The following USP35 variants were observed in gnomAD, a reference collection of about 807,000 sequenced individuals.
The protein encoded by USP35 is ubiquitin carboxyl-terminal hydrolase 35.
Under a neutral mutation model 83.8 loss-of-function variants are expected in USP35, and 69 were observed. The observed-to-expected ratio is 0.82, with a 90% CI of 0.68 to 1.01. The LOEUF (loss-of-function observed/expected upper bound fraction) is 1.01, where lower values mean the gene tolerates loss of function less well. Ranked by LOEUF, USP35 falls within the 50% of genes least tolerant of loss-of-function variation. The pLI is 0.00. For missense variants in USP35, 1,503 were observed against 1,362.5 expected (o/e 1.10, Z -1.62); for synonymous variants, 714 against 589.5 (o/e 1.21, Z -3.06).
chr11:78,210,392 A>G lies in USP35; in HGVS notation c.2537A>G (p.Asp846Gly). The G allele has an allele frequency of 6.2e-7, 1 of 1,613,812 alleles. No individual in the cohort carries two copies. Among genetic ancestry groups the G allele is most frequent in the Non-Finnish European group, 8.5e-7 (1 of 1,180,004 alleles). ...GCTGGTGGCCGTGGCCAGGCCTATGACCTCTGCAGTGTGGTGGTGCACTCT... is the reference window on the plus strand; with the variant it reads ...GCTGGTGGCCGTGGCCAGGCCTATGGCCTCTGCAGTGTGGTGGTGCACTCT... The part of the protein sequence containing the change: ...PLAGGRGQAY[D>G]LCSVVVHSGV... The change falls in exon 10 of 11, where the codon GAC (aspartate) becomes GGC (glycine). Residue 846 changes from aspartate to glycine, a missense_variant. Transcript: ENST00000529308.
In USP35 at chr11:78,209,943, G is replaced by A. The variant is rs1863683469; in HGVS notation, c.2088G>A (p.Glu696=). 1 of 1,607,796 alleles carries A rather than the reference G, an allele frequency of 6.2e-7. No homozygotes were observed. Among genetic ancestry groups the A allele is most frequent in the Non-Finnish European group, 8.5e-7 (1 of 1,176,886 alleles). Residue 696 remains glutamate, a synonymous_variant, in exon 10 of 11, where the codon GAG becomes GAA. Coordinates refer to ENST00000529308, the MANE Select transcript of USP35 (RefSeq NM_020798.4). ...CGGAGAAGGAAGAAGTGGGGGAGGA[G>A]GAGGAAAGCACCAGAGGGGAAGGAG... ...ERTEKEEVGE[E]EESTRGEGER... is the part of the protein sequence containing the mutation.
chr11:78,191,990 C>T (rs1863019926), intron 1 of USP35, among the ~76,000 whole-genome samples: 1 of 152,052 alleles, frequency 6.6e-6, no homozygotes, highest in African/African-American at 2.4e-5. Flanking sequence ...ACTACAGGTG[C>T]CCGCCACCAC....
chr11:78,219,298 C>G (rs2134448887), downstream of USP35: 2 of 1,613,766 alleles, frequency 1.2e-6, no homozygotes, highest in Non-Finnish European at 1.7e-6. Flanking sequence ...TTGGAAGGCT[C>G]TGAGGACTGC....
chr11:78,219,851 T>G (rs1864332831), downstream of USP35, among the ~76,000 whole-genome samples: 2 of 152,148 alleles, frequency 1.3e-5, no homozygotes, highest in African/African-American at 4.8e-5. Context: ...GAGGCACAGC[T>G]CTGCACCCTT....
chr11:78,209,792 A>G lies in USP35; in HGVS notation c.1937A>G (p.His646Arg). 6.2e-7 allele frequency: 1 copy of G among 1,613,832 alleles called. No individual in the cohort carries two copies. Among genetic ancestry groups the G allele is most frequent in the Non-Finnish European group, 8.5e-7 (1 of 1,179,912 alleles). The change falls in exon 10 of 11, where the codon CAC becomes CGC. Residue 646 changes from histidine to arginine, a missense_variant. By Grantham distance (29) the His-to-Arg change is conservative (BLOSUM62 0). Coordinates refer to ENST00000529308, the MANE Select transcript of USP35 (RefSeq NM_020798.4). ...GRVGPRRQRKHCITEDTPPTS... is the reference protein window; with the variant it reads ...GRVGPRRQRKRCITEDTPPTS... ...GTGGGTCCTCGGAGGCAAAGGAAAC[A>G]CTGCATCACAGAGGACACCCCCCCC...
rs779057716 is a variant in USP35, at chr11:78,210,229, G to T, written c.2374G>T (p.Glu792Ter). 6 of 1,614,048 alleles carry T rather than the reference G, an allele frequency of 3.7e-6. No individual in the cohort carries two copies. Among genetic ancestry groups the T allele is most frequent in the Non-Finnish European group, 5.1e-6 (6 of 1,180,030 alleles). ...GTCGTGTGCCTCCCTGCAGGATGCC[G>T]AGAAGGTGGTGGAGCTGAGCCAAGG... ...CESCASLQDA[E>*]KVVELSQGPC... The change falls in exon 10 of 11, where the codon GAG (glutamate) becomes TAG (stop). Residue 792 changes from glutamate to a stop codon, truncating the protein, a stop_gained. Coordinates refer to ENST00000529308, the MANE Select transcript of USP35 (RefSeq NM_020798.4). LOFTEE classifies it high-confidence loss of function.
intron 6 of USP35, among the ~76,000 whole-genome samples, chr11:78,202,305 A>G (rs531187668): frequency 4.6e-5 from 7 of 152,212 alleles, no homozygotes; most frequent in Non-Finnish European, 8.8e-5. Flanking sequence ...GTCTAGGAAA[A>G]AATATGCACA....
At chr11:78,220,482 A>G in the USP35 span, 1 of 1,532,490 alleles carries the variant, frequency 6.5e-7, no homozygotes, top group South Asian at 1.2e-5. Flanking sequence ...TGACTGCAGA[A>G]AACAGACTAA....
rs1342220417 is a variant in USP35, at chr11:78,196,327, G to A, written c.82G>A (p.Ala28Thr). ...KQGLVRRVLE[A>T]ARQPLEREQC... ...GGGGCTGGTTCGGCGCGTGCTGGAG[G>A]CGGCGCGGCAGCCGCTGGAGCGTGA... Residue 28 changes from alanine to threonine, a missense_variant, in exon 2 of 11, where the codon GCG becomes ACG. Coordinates refer to ENST00000529308, the MANE Select transcript of USP35 (RefSeq NM_020798.4). This position sits in a 1 kb window ranked among gnomAD's most constrained non-coding sequence, Gnocchi z 4.8. 6 of 1,587,004 alleles carry A rather than the reference G, an allele frequency of 3.8e-6. No homozygotes were observed. The highest frequency in any genetic ancestry group is 5.1e-6 in the Non-Finnish European group (6 of 1,174,476).
chr11:78,194,241 G>A (rs1863080168), intron 1 of USP35, among the ~76,000 whole-genome samples: 1 of 150,620 alleles, frequency 6.6e-6, no homozygotes, highest in Non-Finnish European at 1.5e-5. Flanking sequence ...CCTGGTGAGA[G>A]AGACAGATAT....
chr11:78,210,305 C>G lies in USP35; in HGVS notation c.2450C>G (p.Thr817Ser). 1.2e-6 allele frequency: 2 copies of G among 1,613,816 alleles called. No homozygotes were observed. The highest frequency in any genetic ancestry group is 1.6e-4 in the Middle Eastern group (1 of 6,062). ...CTGCGCTTCTCTTTCGACCTGCGCA[C>G]CATGCGGCGCCGCAAGATCCTGGAT... The part of the protein sequence containing the change: ...TLLRFSFDLR[T>S]MRRRKILDDV... Residue 817 changes from threonine to serine, a missense_variant, in exon 10 of 11, where the codon ACC becomes AGC. Transcript: ENST00000529308.
chr11:78,200,578 C>G (rs563649326), intron 5 of USP35, 72 bp from the exon 6 acceptor site: 4 of 1,536,732 alleles, frequency 2.6e-6, no homozygotes, highest in Non-Finnish European at 3.5e-6. Context: ...TGCGTGCTGT[C>G]AGCAGGGACC....
chr11:78,198,828 A>G (rs1863238237), intron 3 of USP35: 7 of 398,206 alleles, frequency 1.8e-5, no homozygotes, highest in Non-Finnish European at 2.4e-5. Context: ...ATGGAGTATA[A>G]CCAAACCCAT....
At chr11:78,213,045 T>C (rs73509304) in intron 10 of USP35, among the ~76,000 whole-genome samples, 4,799 of 152,154 alleles carry the variant, frequency 0.032, 225 homozygotes, top group African/African-American at 0.11. Context: ...TGCCTGGAGT[T>C]TGTGTTTTGT....
At chr11:78,226,620 G>GGGGGGCGC in the USP35 span, 1 of 1,500,580 alleles carries the variant, frequency 6.7e-7, no homozygotes, top group Non-Finnish European at 9.3e-7. Context: ...GCGGGGTGGG[G>GGGGGGCGC]GAGCTATGGC....
chr11:78,191,665 G>C (rs191957502), intron 1 of USP35, among the ~76,000 whole-genome samples: 1 of 152,244 alleles, frequency 6.6e-6, no homozygotes, highest in Non-Finnish European at 1.5e-5. Context: ...CAAGGGGTCT[G>C]ATCCTGGGTG....
intron 1 of USP35, among the ~76,000 whole-genome samples, chr11:78,191,841 CTT>C (rs1215811595): frequency 8.2e-5 from 11 of 133,446 alleles, no homozygotes; most frequent in African/African-American, 8.4e-5. Context: ...CGGCCCTCAT[CTT>C]TTTTTTTTTT....
intron 1 of USP35, among the ~76,000 whole-genome samples, chr11:78,190,609 C>G (rs1431779722): frequency 6.6e-6 from 1 of 152,166 alleles, no homozygotes; most frequent in African/African-American, 2.4e-5. Flanking sequence ...AAGGGAGGTC[C>G]CAGCCTGGTG....
chr11:78,198,184 C>A, intron 3 of USP35, 116 bp downstream of exon 3: 2 of 1,469,392 alleles, frequency 1.4e-6, no homozygotes, highest in South Asian at 2.5e-5. Flanking sequence ...GGGCCCAGGC[C>A]CTCATGTGTG....
Sources: allele counts gnomAD v4.1 joint callset (sites outside exome capture counted in the v4.1 genomes callset), GRCh38; gene constraint gnomAD v4.1.1; non-coding constraint Gnocchi (gnomAD v3.1); transcripts MANE v1.5; gene names NCBI Gene and HGNC (gene_info 2026-07-23, HGNC 2026-07-21).